Variants in ZC3H14 observed in about 807,000 individuals in gnomAD.
ZC3H14 encodes zinc finger CCCH-type containing 14, also known as zinc finger CCCH domain-containing protein 14.
In ZC3H14, 31 loss-of-function variants were observed where a neutral mutation model predicts 92.4. That is an observed-to-expected ratio of 0.34 (90% confidence interval 0.25 to 0.45). The LOEUF is 0.45. Ranked by LOEUF, ZC3H14 falls within the 20% of genes least tolerant of loss-of-function variation. The pLI, the probability that ZC3H14 is intolerant of heterozygous loss-of-function variation, is 1.00. For synonymous variants in ZC3H14, 321 were observed against 300.9 expected (o/e 1.07, Z -0.69); for missense variants, 781 against 897.3 (o/e 0.87, Z 1.66).
rs906263099 is a variant in ZC3H14 at position 88,615,639 on chromosome 14, C to G, written c.*3888C>G. ...GGCAGTGTATGGATTACGGATTATA[C>G]CCAGTGCATATAGCAAATATTTTGA... On this transcript the variant is annotated 3_prime_UTR_variant, in exon 17 of 17. Transcript: ENST00000251038. The G allele has an allele frequency of 1.2e-5, 7 of 592,370 alleles. No individual in the cohort carries two copies. The East Asian group carries it at 2.0e-4, about 17-fold the overall frequency. 36.7% of individuals were successfully genotyped at this position (592,370 alleles called of 1,614,324 possible).
rs1226027951 is a variant in ZC3H14 at position 88,623,083 on chromosome 14, T to A, written c.*11332T>A. On this transcript the variant is annotated 3_prime_UTR_variant, in exon 17 of 17. Transcript: ENST00000251038. ...CAGGCTTGAGTGCAGTGGCATGATC[T>A]AGGCTTATTGCAACCTCTGCCTCCC... 6.4e-6 allele frequency: 1 copy of A among 155,550 alleles called. No homozygotes were observed. Among genetic ancestry groups the A allele is most frequent in the African/African-American group, 2.4e-5 (1 of 41,376 alleles). 9.6% of individuals were successfully genotyped at this position (155,550 alleles called of 1,614,324 possible).
rs189937819 is a variant in ZC3H14, at chr14:88,613,801, T to C, written c.*2050T>C. ...CAGGTTACACAATCAGGAGCTTAGA[T>C]ACTGCACACAAAAATAATTATCTGG... On this transcript the variant is annotated 3_prime_UTR_variant, in exon 17 of 17. Transcript: ENST00000251038. 6.6e-6 allele frequency: 1 copy of C among 152,310 alleles called. No homozygotes were observed. Among genetic ancestry groups the C allele is most frequent in the Admixed American group, 6.5e-5 (1 of 15,300 alleles). 9.4% of individuals were successfully genotyped at this position (152,310 alleles called of 1,614,324 possible). A position where few individuals can be genotyped will look rare whatever the true frequency, so the allele number is the denominator to read the frequency against.
At chr14:88,583,777 G>A (rs2082178332) in intron 9 of ZC3H14, among the ~76,000 whole-genome samples, 1 of 152,122 alleles carries the variant, frequency 6.6e-6, no homozygotes, top group African/African-American at 2.4e-5. Flanking sequence ...GGAAGAAAGT[G>A]GACTAATTAT....
At position 88,616,232 on chromosome 14, in the gene ZC3H14, TTG is replaced by T; in HGVS notation, c.*4485_*4486del. On this transcript the variant is annotated 3_prime_UTR_variant, in exon 17 of 17. Transcript: ENST00000251038. ...ATGGGGCGAATGACCCAAGAACCTT[TTG>T]TGTTTTGCCTAAAAAACAATGACAG... 6.2e-7 allele frequency: 1 copy of T among 1,613,858 alleles called. No individual in the cohort carries two copies. The highest frequency in any genetic ancestry group is 8.5e-7 in the Non-Finnish European group (1 of 1,179,770).
intron 9 of ZC3H14, chr14:88,591,044 A>T (rs1190365359): frequency 1.3e-5 from 2 of 152,272 alleles, no homozygotes; most frequent in East Asian, 3.9e-4. Context: ...CATATTTTTG[A>T]CCTGAAAATT....
intron 9 of ZC3H14, chr14:88,589,426 C>G (rs908978551): frequency 2.6e-5 from 4 of 152,202 alleles, no homozygotes; most frequent in African/African-American, 9.7e-5. Flanking sequence ...TTGGATGGCC[C>G]TTTGTTTCAT....
chr14:88,597,005 A>G (rs1595735215), intron 10 of ZC3H14, among the ~76,000 whole-genome samples, 197 bp downstream of exon 10: 4 of 152,116 alleles, frequency 2.6e-5, no homozygotes, highest in Admixed American at 2.6e-4. Flanking sequence ...TTTTTGCCTC[A>G]TTGGAAAACT....
intron 9 of ZC3H14, among the ~76,000 whole-genome samples, chr14:88,585,485 T>C (rs1268583405): frequency 6.6e-6 from 1 of 151,844 alleles, no homozygotes; most frequent in African/African-American, 2.4e-5. Flanking sequence ...CAAGTGATTC[T>C]CCTGCCTCAG....
chr14:88,568,628 A>G lies in ZC3H14; in HGVS notation c.194+475A>G, dbSNP rs186755359. ...CTTGACAGGTGGGGATTACAATTCA[A>G]TATAAGATTTGGGTGGGGACACAGA... On this transcript the variant is annotated intron_variant, in intron 3 of 16. Transcript: ENST00000251038. 4.7e-3 allele frequency among the ~76,000 whole-genome samples: 710 copies of G among 152,274 alleles called. 3 individuals are homozygous for G. Among genetic ancestry groups the G allele is most frequent in the Non-Finnish European group, 5.9e-3 (398 of 68,006 alleles).
At chr14:88,564,002 C>A (rs2079237432) in intron 2 of ZC3H14, among the ~76,000 whole-genome samples, 1 of 152,086 alleles carries the variant, frequency 6.6e-6, no homozygotes, top group Non-Finnish European at 1.5e-5. Context: ...ACGGGTCTCG[C>A]TACGTTGCCC....
Position 88,618,748 on chromosome 14 carries a change from G to C in ZC3H14, c.*6997G>C, listed in dbSNP as rs1455092173. The C allele has an allele frequency of 1.2e-6, 2 of 1,605,070 alleles. No individual in the cohort carries two copies. The highest frequency in any genetic ancestry group is 2.2e-5 in the South Asian group (2 of 89,406). On this transcript the variant is annotated 3_prime_UTR_variant, in exon 17 of 17. Transcript: ENST00000251038. ...CTGTTAAGAGTGGGGCCCAGCGTTA[G>C]GTCATAAAAATCCACTGAGTTCTCA...
At chr14:88,573,395 A>G (rs939065629) in intron 6 of ZC3H14, among the ~76,000 whole-genome samples, 46 of 151,956 alleles carry the variant, frequency 3.0e-4, no homozygotes, top group African/African-American at 1.1e-3. Flanking sequence ...AAAAAGAAAA[A>G]ACAAAAAACA....
chr14:88,572,863 T>G lies in ZC3H14; in HGVS notation c.717T>G (p.Asn239Lys), dbSNP rs761809149. Residue 239 changes from asparagine to lysine, a missense_variant, in exon 6 of 17, where the codon AAT (asparagine) becomes AAG (lysine). Physicochemically the swap from Asn to Lys is moderately conservative, Grantham distance 94. Around this residue, in one of 3 missense-constraint regions of ZC3H14, gnomAD observed 454 missense variants for 438.5 expected, o/e 1.04. Transcript: ENST00000251038. ...GGTTGCAATTTCAACAGCAGCAGAA[T>G]AGTATTCATGCTGCCAAGCAGCTTG... is the stretch of plus-strand genomic sequence containing the variant. ...LNRLQFQQQQ[N>K]SIHAAKQLDM... 1 of 1,614,186 alleles carries G rather than the reference T, an allele frequency of 6.2e-7. No individual in the cohort carries two copies. Among genetic ancestry groups the G allele is most frequent in the Admixed American group, 1.7e-5 (1 of 60,022 alleles).
In ZC3H14 at chr14:88,615,556, C is replaced by G. The variant is rs1470247920; in HGVS notation, c.*3805C>G. On this transcript the variant is annotated 3_prime_UTR_variant, in exon 17 of 17. Coordinates refer to ENST00000251038, the MANE Select transcript of ZC3H14 (RefSeq NM_024824.5). Reference sequence around the variant, plus strand: ...TGCCGAAATCACACACTTCCCAATACAGGGGGACTTGGCCTTTACCATCAA... The same window carrying G: ...TGCCGAAATCACACACTTCCCAATAGAGGGGGACTTGGCCTTTACCATCAA... The G allele has an allele frequency of 2.5e-6, 1 of 402,348 alleles. No homozygotes were observed. The highest frequency in any genetic ancestry group is 2.1e-5 in the African/African-American group (1 of 48,460). 24.9% of individuals were successfully genotyped at this position (402,348 alleles called of 1,614,324 possible).
chr14:88,586,997 C>T (rs1204400147), intron 9 of ZC3H14, among the ~76,000 whole-genome samples: 1 of 152,064 alleles, frequency 6.6e-6, no homozygotes, highest in Non-Finnish European at 1.5e-5. Context: ...TGCTGTATGT[C>T]AGGTTCTAGC....
rs1357888639 is a variant in ZC3H14 at position 88,607,345 on chromosome 14, A to C, written c.1850A>C (p.His617Pro). ...CKNGDECAYHHPISPCKAFPN... is the reference protein window; with the variant it reads ...CKNGDECAYHPPISPCKAFPN... Reference sequence around the variant, plus strand: ...AATGGGGATGAGTGTGCCTACCATCACCCCATCTCACCCTGCAAGTGAGTA... The same window carrying C: ...AATGGGGATGAGTGTGCCTACCATCCCCCCATCTCACCCTGCAAGTGAGTA... The change falls in exon 13 of 17, where the codon CAC becomes CCC. Residue 617 changes from histidine to proline, a missense_variant. This residue lies in a region of ZC3H14 where 221 missense variants were observed against 304.7 expected (regional missense o/e 0.73). Coordinates refer to ENST00000251038, the MANE Select transcript of ZC3H14 (RefSeq NM_024824.5). The C allele has an allele frequency of 1.9e-6, 3 of 1,610,422 alleles. No homozygotes were observed. The highest frequency in any genetic ancestry group is 2.7e-5 in the African/African-American group (2 of 74,038).
In ZC3H14 at chr14:88,621,476, T is replaced by C. The variant is rs534257855; in HGVS notation, c.*9725T>C. The C allele has an allele frequency of 1.5e-5, 10 of 645,534 alleles. 1 individual carries two copies. The African/African-American group carries it at 1.6e-4, about 11-fold the overall frequency. 40.0% of individuals were successfully genotyped at this position (645,534 alleles called of 1,614,324 possible). A position where few individuals can be genotyped will look rare whatever the true frequency, so the allele number is the denominator to read the frequency against. On this transcript the variant is annotated 3_prime_UTR_variant, in exon 17 of 17. Coordinates refer to ENST00000251038, the MANE Select transcript of ZC3H14 (RefSeq NM_024824.5). ...TTTTCTATGACTACAGGCACACATC[T>C]ATCTGTAAGCACAATGGGCTAGATT... is the stretch of plus-strand genomic sequence containing the variant.
chr14:88,596,823 A>G lies in ZC3H14; in HGVS notation c.1354+15A>G, dbSNP rs2297124. On this transcript the variant is annotated intron_variant, in intron 10 of 16. Coordinates refer to ENST00000251038, the MANE Select transcript of ZC3H14 (RefSeq NM_024824.5). ...GATGAGTCAAGGTTGGTAATGTTTCAAGTTGTACTGTAATCCAGCCATTTC... is the reference window on the plus strand; with the variant it reads ...GATGAGTCAAGGTTGGTAATGTTTCGAGTTGTACTGTAATCCAGCCATTTC... 0.87 allele frequency: 1,396,233 copies of G among 1,611,292 alleles called. 606,639 individuals are homozygous for G. The highest frequency in any genetic ancestry group is 0.94 in the East Asian group (42,148 of 44,824).
chr14:88,580,853 A>C (rs2081829755), intron 9 of ZC3H14, among the ~76,000 whole-genome samples: 1 of 152,234 alleles, frequency 6.6e-6, no homozygotes, highest in South Asian at 2.1e-4. Context: ...CTTAGAAGAA[A>C]AGGAAAGGTA....
Sources: gnomAD v4.1 joint callset for allele counts (sites outside exome capture counted in the v4.1 genomes callset) on GRCh38, gnomAD v4.1.1 for gene constraint, gnomAD v4.1.1 regional missense constraint, MANE v1.5 for transcripts, NCBI Gene and HGNC (gene_info 2026-07-23, HGNC 2026-07-21) for gene names.